Variants in SPATA1 observed in about 807,000 individuals in gnomAD.
The protein encoded by SPATA1 is spermatogenesis associated 1.
Under a neutral mutation model 59.6 loss-of-function variants are expected in SPATA1, and 57 were observed. The observed-to-expected ratio is 0.96, with a 90% CI of 0.77 to 1.19. SPATA1 has a LOEUF of 1.19. Among genes scored for constraint, SPATA1 ranks in the 50% most tolerant of loss-of-function variants. SPATA1 has a pLI of 0.00. For missense variants in SPATA1, 448 were observed against 480.7 expected (o/e 0.93, Z 0.64); for synonymous variants, 147 against 163.9 (o/e 0.90, Z 0.79).
chr1:84,507,325 T>G (rs1233577759), intron 1 of SPATA1: 1 of 152,196 alleles, frequency 6.6e-6, no homozygotes, highest in African/African-American at 2.4e-5. Context: ...TACTCAACAG[T>G]TTATATCAGT....
chr1:84,509,904 A>G (rs188076982), intron 1 of SPATA1, among the ~76,000 whole-genome samples: 104 of 151,770 alleles, frequency 6.9e-4, no homozygotes, highest in Admixed American at 3.9e-3. Flanking sequence ...AAACCTGCAC[A>G]GGGCCAGGCA....
intron 8 of SPATA1, among the ~76,000 whole-genome samples, chr1:84,535,713 GT>G (rs556024584): frequency 3.8e-4 from 56 of 147,472 alleles, no homozygotes; most frequent in African/African-American, 8.7e-4. Flanking sequence ...GTTCTATCAG[GT>G]TTTTTTTTTG....
chr1:84,567,180 A>G (rs2102028942), downstream of SPATA1, among the ~76,000 whole-genome samples: 1 of 152,364 alleles, frequency 6.6e-6, no homozygotes, highest in South Asian at 2.1e-4. Flanking sequence ...GGACTTCTTC[A>G]AAGTTCCCTT....
downstream of SPATA1, among the ~76,000 whole-genome samples, chr1:84,566,881 G>A (rs763288567): frequency 2.0e-5 from 3 of 152,128 alleles, no homozygotes; most frequent in South Asian, 2.1e-4. Context: ...CTGATCTGCC[G>A]ATCTCAGCCT....
chr1:84,548,750 CTTTTTTTT>C (rs56250726), intron 10 of SPATA1, 28 bp from the exon 11 acceptor site: 164 of 915,232 alleles, frequency 1.8e-4, no homozygotes, highest in African/African-American at 4.4e-4. Flanking sequence ...AAGGCCTTTC[CTTTTTTTT>C]TTTTTTTTTT....
At chr1:84,537,971 A>G (rs1570436231) in intron 8 of SPATA1, among the ~76,000 whole-genome samples, 1 of 152,320 alleles carries the variant, frequency 6.6e-6, no homozygotes, top group Non-Finnish European at 1.5e-5. Context: ...GGAATGTTAT[A>G]GTAGAGAGGG....
chr1:84,557,259 G>A (rs774670074), downstream of SPATA1, among the ~76,000 whole-genome samples: 6 of 152,146 alleles, frequency 3.9e-5, no homozygotes, highest in African/African-American at 9.7e-5. Flanking sequence ...GGGGCCAGGC[G>A]CGATGGCTTA....
intron 10 of SPATA1, 67 bp downstream of exon 10, chr1:84,545,826 A>G (rs1253013187): frequency 8.9e-7 from 1 of 1,121,564 alleles, no homozygotes; most frequent in Non-Finnish European, 1.2e-6. Context: ...TGATCCTTTT[A>G]GAATAAATAA....
At chr1:84,557,680 C>A (rs1331418396), downstream of SPATA1, among the ~76,000 whole-genome samples, 1 of 151,112 alleles carries the variant, frequency 6.6e-6, no homozygotes, top group Non-Finnish European at 1.5e-5. Flanking sequence ...ACAGTGAAAC[C>A]CCGTCTCTAT....
At chr1:84,566,915 C>T (rs1294482357), downstream of SPATA1, among the ~76,000 whole-genome samples, 6 of 152,222 alleles carry the variant, frequency 3.9e-5, no homozygotes, top group Non-Finnish European at 8.8e-5. Context: ...CAGGCGTGAG[C>T]CACCACACCC....
intron 4 of SPATA1, among the ~76,000 whole-genome samples, chr1:84,559,697 A>G: frequency 6.6e-6 from 1 of 152,198 alleles, no homozygotes; most frequent in African/African-American, 2.4e-5. Flanking sequence ...TGAATAAAAA[A>G]GAGGAAGAAA....
intron 1 of SPATA1, among the ~76,000 whole-genome samples, chr1:84,509,424 G>A (rs1682439334): frequency 6.6e-6 from 1 of 152,154 alleles, no homozygotes; most frequent in South Asian, 2.1e-4. Context: ...AATCAAAATG[G>A]GTTAAAGACT....
chr1:84,560,221 A>G (rs1268957960), intron 4 of SPATA1, among the ~76,000 whole-genome samples: 2 of 152,172 alleles, frequency 1.3e-5, no homozygotes, highest in African/African-American at 4.8e-5. Context: ...AACCAGCCAT[A>G]AAGTCTAAAA....
chr1:84,539,220 T>G (rs1249317797), intron 8 of SPATA1, among the ~76,000 whole-genome samples: 2 of 152,196 alleles, frequency 1.3e-5, no homozygotes, highest in Non-Finnish European at 2.9e-5. Flanking sequence ...GCCCTTGGGT[T>G]TGGGAGCAAA....
Position 84,520,565 on chromosome 1 carries a change from GTTC to G in SPATA1, c.37-15_37-13del, listed in dbSNP as rs764625414. The G allele has an allele frequency of 1.1e-4, 146 of 1,371,566 alleles. 5 individuals are homozygous for G. The South Asian group carries it at 2.0e-3, about 19-fold the overall frequency. 85.0% of individuals were successfully genotyped at this position (1,371,566 alleles called of 1,614,324 possible). Reference sequence around the variant, plus strand: ...TCACTTTAAAAATATTTTAACCGATGTTCTTCTCAATTTATTCAGTTGGTGGAA... The same window carrying G: ...TCACTTTAAAAATATTTTAACCGATGTTCTCAATTTATTCAGTTGGTGGAA... On this transcript the variant is annotated splice_polypyrimidine_tract_variant and intron_variant, in intron 2 of 12. Transcript: ENST00000490879.
chr1:84,543,739 G>A (rs1334438479), intron 8 of SPATA1, among the ~76,000 whole-genome samples: 1 of 151,768 alleles, frequency 6.6e-6, no homozygotes, highest in Non-Finnish European at 1.5e-5. Context: ...GAAAGATGAA[G>A]GCAACAGAAA....
intron 6 of SPATA1, among the ~76,000 whole-genome samples, chr1:84,526,888 A>G (rs1367424202): frequency 1.4e-5 from 2 of 147,744 alleles, no homozygotes; most frequent in Admixed American, 6.8e-5. Flanking sequence ...AAAAAAAAAA[A>G]GATAGGTAAT....
downstream of SPATA1, chr1:84,555,295 A>T (rs1199603837): frequency 4.4e-6 from 4 of 917,770 alleles, no homozygotes; most frequent in Non-Finnish European, 6.2e-6. Flanking sequence ...GTACAGTAAG[A>T]GGGAAAAAAG....
chr1:84,528,671 T>A (rs1000087909), intron 6 of SPATA1, among the ~76,000 whole-genome samples: 2 of 152,214 alleles, frequency 1.3e-5, no homozygotes, highest in Non-Finnish European at 2.9e-5. Context: ...AATATCCTGT[T>A]ATGTACATTT....
Sources: allele counts gnomAD v4.1 joint callset (sites outside exome capture counted in the v4.1 genomes callset), GRCh38; gene constraint gnomAD v4.1.1; transcripts MANE v1.5; gene names NCBI Gene and HGNC (gene_info 2026-07-23, HGNC 2026-07-21).